The following MYO18B variants were observed in gnomAD, a reference collection of about 807,000 sequenced individuals.
The protein encoded by MYO18B is myosin XVIIIB.
A neutral mutation model predicts 273.0 loss-of-function variants in MYO18B; 204 were observed. The ratio of observed to expected loss-of-function variants is 0.75; its 90% confidence interval spans 0.67 to 0.84. The LOEUF is 0.84. Ranked by LOEUF, MYO18B falls within the 40% of genes least tolerant of loss-of-function variation. The pLI, the probability that MYO18B is intolerant of heterozygous loss-of-function variation, is 0.00. For missense variants in MYO18B, 3,212 were observed against 3,287.6 expected, an observed-to-expected ratio of 0.98 and a Z score of 0.56; for synonymous variants, 1,330 against 1,305.7, an observed-to-expected ratio of 1.02 and a Z score of -0.40.
rs146784120 is a variant in MYO18B, at chr22:25,830,517, C to T, written c.2979+1549C>T. On this transcript the variant is annotated intron_variant, in intron 15 of 43. Transcript: ENST00000335473. ...ATGATCTTGGCAGGGCTCGCTCATG[C>T]GTGGGATCAGCTGGCCATGAACGGA... Among the ~76,000 whole-genome samples, 1,242 of 152,250 alleles carry T rather than the reference C, an allele frequency of 8.2e-3. 12 individuals are homozygous for T. The highest frequency in any genetic ancestry group is 0.012 in the Non-Finnish European group (843 of 68,014).
the MYO18B span, among the ~76,000 whole-genome samples, chr22:26,055,513 C>A: frequency 1.3e-5 from 2 of 152,278 alleles, no homozygotes; most frequent in African/African-American, 2.4e-5. Context: ...AAAGGGGGTG[C>A]TTTCTCTTTT....
intron 39 of MYO18B, among the ~76,000 whole-genome samples, chr22:25,955,726 C>T (rs1314071076): frequency 6.6e-6 from 1 of 152,180 alleles, no homozygotes; most frequent in Non-Finnish European, 1.5e-5. Flanking sequence ...CTATCTTTCA[C>T]CAGGTCTCAA....
At chr22:25,810,917 T>C (rs985590839) in intron 12 of MYO18B, among the ~76,000 whole-genome samples, 7 of 152,216 alleles carry the variant, frequency 4.6e-5, no homozygotes, top group African/African-American at 1.7e-4. Context: ...TGTTCCTTGA[T>C]GGGTTTTGAC....
At chr22:25,866,784 CAAAAAAAAAAAAAAA>C (rs56260207) in intron 21 of MYO18B, among the ~76,000 whole-genome samples, 46 of 40,188 alleles carry the variant, frequency 1.1e-3, no homozygotes, top group African/African-American at 3.2e-3. Flanking sequence ...GACTCCGTCT[CAAAAAAAAAAAAAAA>C]AAAAAAAAAA....
At chr22:25,777,844 G>C in intron 8 of MYO18B, 63 bp downstream of exon 8, 1 of 1,444,766 alleles carries the variant, frequency 6.9e-7, no homozygotes, top group South Asian at 1.4e-5. Flanking sequence ...GGAAGGGGAT[G>C]CTGAGCTGCT....
chr22:25,953,560 G>T (rs1316090167), intron 38 of MYO18B: 1 of 152,190 alleles, frequency 6.6e-6, no homozygotes, highest in Admixed American at 6.5e-5. Flanking sequence ...AGAACAGAGA[G>T]AAATTCTTCT....
At chr22:25,917,504 A>G (rs1237473240) in intron 33 of MYO18B, among the ~76,000 whole-genome samples, 1 of 148,014 alleles carries the variant, frequency 6.8e-6, no homozygotes, top group Non-Finnish European at 1.5e-5. Context: ...TAGTCAGTTT[A>G]CCTGCAAGAC....
chr22:25,751,402 C>T (rs1305460830), intron 1 of MYO18B, among the ~76,000 whole-genome samples: 1 of 152,244 alleles, frequency 6.6e-6, no homozygotes, highest in African/African-American at 2.4e-5. Flanking sequence ...CACACTCTGC[C>T]CTACCCCTGA....
At chr22:25,850,251 C>T (rs1214833151) in intron 20 of MYO18B, among the ~76,000 whole-genome samples, 4 of 152,138 alleles carry the variant, frequency 2.6e-5, no homozygotes, top group Non-Finnish European at 4.4e-5. Context: ...CTTGGGGGGT[C>T]TTTTTTAAGC....
At chr22:25,800,691 A>G (rs752551271) in intron 12 of MYO18B, among the ~76,000 whole-genome samples, 9 of 152,218 alleles carry the variant, frequency 5.9e-5, no homozygotes, top group Non-Finnish European at 4.4e-5. Flanking sequence ...ATATTTATCC[A>G]GAGACTAAGG....
the MYO18B span, among the ~76,000 whole-genome samples, chr22:26,054,517 A>G: frequency 6.6e-6 from 1 of 152,216 alleles, no homozygotes; most frequent in South Asian, 2.1e-4. Context: ...TGAACCTGGG[A>G]TCATTCAGGC....
intron 34 of MYO18B, among the ~76,000 whole-genome samples, chr22:25,921,734 G>GTGTGTGTATGTGTA (rs2092347455): frequency 7.7e-6 from 1 of 129,246 alleles, no homozygotes; most frequent in South Asian, 2.4e-4. Flanking sequence ...GTGTGTGTGT[G>GTGTGTGTATGTGTA]TGTGTGTATG....
chr22:25,800,998 T>C lies in MYO18B; in HGVS notation c.2521+2901T>C, dbSNP rs369549303. On this transcript the variant is annotated intron_variant, in intron 12 of 43. Transcript: ENST00000335473. ...GAGGCCTGCCCGATGATTTACTTAC[T>C]TATATATTCTGCTTTGAAAGATTTC... is the stretch of plus-strand genomic sequence containing the variant. 1.4e-3 allele frequency among the ~76,000 whole-genome samples: 211 copies of C among 152,386 alleles called. 9 individuals carry two copies. In the South Asian group the frequency reaches 0.043, roughly 31 times the overall value.
At chr22:25,818,528 T>G (rs769909447) in intron 12 of MYO18B, among the ~76,000 whole-genome samples, 6 of 152,202 alleles carry the variant, frequency 3.9e-5, no homozygotes, top group Admixed American at 6.5e-5. Flanking sequence ...GCTCAGTGCC[T>G]GGCACATAGG....
In MYO18B at chr22:25,768,807, T is replaced by C. The variant is rs1178280831; in HGVS notation, c.891T>C (p.Asn297=). 2 of 1,610,534 alleles carry C rather than the reference T, an allele frequency of 1.2e-6. No homozygotes were observed. Among genetic ancestry groups the C allele is most frequent in the Non-Finnish European group, 1.7e-6 (2 of 1,178,320 alleles). The part of the protein sequence containing the change: ...AEPTNTVEKG[N]VSKDVGSEGK... ...CCACAAACACGGTGGAAAAGGGGAA[T>C]GTCTCTAAGGACGTAGGGAGTGAAG... The change falls in exon 4 of 44, where the codon AAT becomes AAC. Residue 297 remains asparagine, a synonymous_variant. Transcript: ENST00000335473.
At chr22:26,002,092 C>A (rs1934009738) in intron 40 of MYO18B, among the ~76,000 whole-genome samples, 1 of 152,162 alleles carries the variant, frequency 6.6e-6, no homozygotes, top group South Asian at 2.1e-4. Flanking sequence ...ATTATTCTGC[C>A]TCCTACAAGG....
At chr22:25,835,259 A>T in intron 16 of MYO18B, 37 bp from the exon 17 acceptor site, 3 of 1,602,988 alleles carry the variant, frequency 1.9e-6, no homozygotes, top group Non-Finnish European at 2.6e-6. Flanking sequence ...TCTGATGGGT[A>T]TCAGGGCCCT....
At chr22:25,982,452 C>T (rs1351765075) in intron 39 of MYO18B, among the ~76,000 whole-genome samples, 1 of 152,218 alleles carries the variant, frequency 6.6e-6, no homozygotes, top group African/African-American at 2.4e-5. Flanking sequence ...AACACAGTAT[C>T]TTAAAACAAC....
chr22:25,844,048 T>A (rs1156276088), intron 18 of MYO18B, among the ~76,000 whole-genome samples, 154 bp downstream of exon 18: 1 of 152,222 alleles, frequency 6.6e-6, no homozygotes, highest in Non-Finnish European at 1.5e-5. Flanking sequence ...TAACTTGAAT[T>A]GGAGCAGTGC....
Sources: gnomAD v4.1 joint callset for allele counts (sites outside exome capture counted in the v4.1 genomes callset) on GRCh38, gnomAD v4.1.1 for gene constraint, MANE v1.5 for transcripts, NCBI Gene and HGNC (gene_info 2026-07-23, HGNC 2026-07-21) for gene names.